Variants in ABLIM3 observed in about 807,000 individuals in gnomAD.
ABLIM3 encodes actin-binding LIM protein 3.
Under a neutral mutation model 109.5 loss-of-function variants are expected in ABLIM3, and 61 were observed. That is an observed-to-expected ratio of 0.56 (90% CI 0.45 to 0.69). The LOEUF (loss-of-function observed/expected upper bound fraction) is 0.69. Ranked by LOEUF, ABLIM3 falls within the 30% of genes least tolerant of loss-of-function variation. The pLI, the probability that ABLIM3 is intolerant of heterozygous loss-of-function variation, is 0.00. For synonymous variants in ABLIM3, 300 were observed against 324.8 expected, an observed-to-expected ratio of 0.92 and a Z score of 0.82; for missense variants, 796 against 889.5, an observed-to-expected ratio of 0.89 and a Z score of 1.34.
intron 2 of ABLIM3, among the ~76,000 whole-genome samples, chr5:149,170,271 CCT>C (rs143290105): frequency 2.4e-4 from 26 of 107,156 alleles, no homozygotes; most frequent in Non-Finnish European, 2.7e-4. Flanking sequence ...TCTCCTTCTC[CCT>C]CTCTCTCTCT....
rs557940202 is a variant in ABLIM3 at position 149,230,283 on chromosome 5, A to G, written c.758-366A>G. Among the ~76,000 whole-genome samples the G allele has an allele frequency of 1.1e-4, 17 of 152,280 alleles. No individual in the cohort carries two copies. The East Asian group carries it at 3.1e-3, about 28-fold the overall frequency. On this transcript the variant is annotated intron_variant, in intron 8 of 23. Coordinates refer to ENST00000309868, the MANE Select transcript of ABLIM3 (RefSeq NM_014945.5). Reference sequence around the variant, plus strand: ...CCCGCCCAGAAGAAGCTCTTGATTTAGTGGGAAATGAAAAATCCATAAGCT... The same window carrying G: ...CCCGCCCAGAAGAAGCTCTTGATTTGGTGGGAAATGAAAAATCCATAAGCT...
At chr5:149,148,484 G>A (rs1330303212) in intron 2 of ABLIM3, among the ~76,000 whole-genome samples, 2 of 152,178 alleles carry the variant, frequency 1.3e-5, no homozygotes, top group East Asian at 3.9e-4. Context: ...CCAACATCCA[G>A]CCTTTCTTTC....
intron 22 of ABLIM3, 134 bp downstream of exon 22, chr5:149,252,342 A>T (rs1754013886): frequency 1.0e-6 from 1 of 977,638 alleles, no homozygotes; most frequent in Non-Finnish European, 1.5e-6. Flanking sequence ...TCCTTTCAAG[A>T]CCAACATTTC....
rs1159667441 is a variant in ABLIM3, at chr5:149,183,589, G to A, written c.151G>A (p.Val51Ile). The A allele has an allele frequency of 4.5e-6, 7 of 1,539,352 alleles. No homozygotes were observed. The highest frequency in any genetic ancestry group is 5.3e-6 in the Non-Finnish European group (6 of 1,142,840). The change falls in exon 3 of 24, where the codon GTA becomes ATA. Residue 51 changes from valine to isoleucine, a missense_variant and splice_region_variant. Val to Ile is a conservative substitution (Grantham distance 29). Coordinates refer to ENST00000309868, the MANE Select transcript of ABLIM3 (RefSeq NM_014945.5). ...HFHIRCFTCQ[V>I]CGCGLAQSGF... ...CCACATCAGATGCTTCACCTGTCAA[G>A]GTAGGAGGCTCAGCTCCCCCACTCT...
intron 2 of ABLIM3, among the ~76,000 whole-genome samples, chr5:149,178,914 C>T (rs891126970): frequency 2.0e-5 from 3 of 152,084 alleles, no homozygotes; most frequent in Admixed American, 1.3e-4. Context: ...GGTTAGATGA[C>T]GTGCCCAAAA....
chr5:149,168,835 T>C (rs1445032231), intron 2 of ABLIM3, among the ~76,000 whole-genome samples: 3 of 152,218 alleles, frequency 2.0e-5, no homozygotes, highest in African/African-American at 7.2e-5. Context: ...TGTGTGAAGA[T>C]CTTCTTTCTA....
At chr5:149,217,436 C>G (rs747855452) in intron 8 of ABLIM3, 8 of 200,666 alleles carry the variant, frequency 4.0e-5, no homozygotes, top group Non-Finnish European at 7.2e-5. Flanking sequence ...CTCTACTCTA[C>G]CTCCTTCTCC....
intron 7 of ABLIM3, among the ~76,000 whole-genome samples, chr5:149,211,973 A>G (rs1331619745): frequency 6.6e-6 from 1 of 152,082 alleles, no homozygotes; most frequent in African/African-American, 2.4e-5. Flanking sequence ...TCTGCTCACA[A>G]TAGCTGACCC....
chr5:149,158,946 C>T (rs904552376), intron 2 of ABLIM3, among the ~76,000 whole-genome samples: 41 of 152,250 alleles, frequency 2.7e-4, no homozygotes, highest in African/African-American at 9.4e-4. Context: ...TAAAATGGCA[C>T]AACAACTATG....
chr5:149,159,206 C>A (rs1333563932), intron 2 of ABLIM3, among the ~76,000 whole-genome samples: 1 of 152,076 alleles, frequency 6.6e-6, no homozygotes, highest in Non-Finnish European at 1.5e-5. Flanking sequence ...TAAAAAGGAA[C>A]AAACTATTGA....
intron 8 of ABLIM3, among the ~76,000 whole-genome samples, chr5:149,230,260 C>T (rs770049436): frequency 4.6e-5 from 7 of 152,106 alleles, no homozygotes; most frequent in Non-Finnish European, 8.8e-5. Flanking sequence ...GCTCAGCTCC[C>T]GCCCAGAAGA....
intron 21 of ABLIM3, among the ~76,000 whole-genome samples, chr5:149,251,664 C>T (rs1753940686): frequency 6.6e-6 from 1 of 152,154 alleles, no homozygotes; most frequent in African/African-American, 2.4e-5. Context: ...TTCCCAGAAC[C>T]ATCACAGAGT....
intron 7 of ABLIM3, chr5:149,216,689 G>A (rs1042510744): frequency 3.9e-5 from 16 of 406,558 alleles, no homozygotes; most frequent in Non-Finnish European, 6.2e-5. Context: ...TGGACCAGTG[G>A]CCTCTCAAGT....
intron 10 of ABLIM3, among the ~76,000 whole-genome samples, chr5:149,234,600 A>G (rs1762169615): frequency 6.6e-6 from 1 of 152,228 alleles, no homozygotes; most frequent in African/African-American, 2.4e-5. Context: ...TCACTGACTG[A>G]AATTTCAATA....
In ABLIM3 at chr5:149,142,083, C is replaced by G. The variant is rs1021580324; in HGVS notation, c.-13C>G. 1 of 1,502,420 alleles carries G rather than the reference C, an allele frequency of 6.7e-7. No homozygotes were observed. Among genetic ancestry groups the G allele is most frequent in the African/African-American group, 1.4e-5 (1 of 70,326 alleles). 93.1% of individuals were successfully genotyped at this position (1,502,420 alleles called of 1,614,324 possible). A position where few individuals can be genotyped will look rare whatever the true frequency, so the allele number is the denominator to read the frequency against. On this transcript the variant is annotated 5_prime_UTR_variant, in exon 2 of 24. Coordinates refer to ENST00000309868, the MANE Select transcript of ABLIM3 (RefSeq NM_014945.5). ...TCCGTATTGAATGAAAGACCCAGTG[C>G]AAAGACATCACCATGAACACTAGCA... is the stretch of plus-strand genomic sequence containing the variant.
At chr5:149,205,645 C>G (rs1758894738) in intron 5 of ABLIM3, among the ~76,000 whole-genome samples, 1 of 152,190 alleles carries the variant, frequency 6.6e-6, no homozygotes, top group Non-Finnish European at 1.5e-5. Flanking sequence ...GACTTATAGA[C>G]TTACCCCAGG....
intron 2 of ABLIM3, among the ~76,000 whole-genome samples, chr5:149,167,704 G>A (rs1303172606): frequency 2.6e-5 from 4 of 152,128 alleles, no homozygotes; most frequent in African/African-American, 4.8e-5. Flanking sequence ...AAGAGATACC[G>A]TCCCTGCCCT....
At chr5:149,196,767 T>A (rs555710501) in intron 3 of ABLIM3, among the ~76,000 whole-genome samples, 1 of 152,350 alleles carries the variant, frequency 6.6e-6, no homozygotes, top group South Asian at 2.1e-4. Context: ...TTTATTGCCT[T>A]GGAAGAAATT....
chr5:149,238,209 C>A (rs1189547324), intron 11 of ABLIM3, among the ~76,000 whole-genome samples: 1 of 152,162 alleles, frequency 6.6e-6, no homozygotes, highest in Non-Finnish European at 1.5e-5. Context: ...CTGGAGATGG[C>A]AGCAGGGTTG....
Sources: gnomAD v4.1 joint callset for allele counts (sites outside exome capture counted in the v4.1 genomes callset) on GRCh38, gnomAD v4.1.1 for gene constraint, MANE v1.5 for transcripts, NCBI Gene and HGNC (gene_info 2026-07-23, HGNC 2026-07-21) for gene names.